VPS13C: variants seen among roughly 807,000 people sequenced by gnomAD.
VPS13C encodes intermembrane lipid transfer protein VPS13C.
VPS13C carries 358 observed loss-of-function variants against 456.8 expected under a neutral mutation model. That is an observed-to-expected ratio of 0.78 (90% confidence interval 0.72 to 0.86). The LOEUF (loss-of-function observed/expected upper bound fraction) is 0.86, where lower values mean the gene tolerates loss of function less well. Ranked by LOEUF, VPS13C falls within the 40% of genes least tolerant of loss-of-function variation. The pLI is 0.00. For synonymous variants in VPS13C, 1,578 were observed against 1,486.7 expected (o/e 1.06, Z -1.41); for missense variants, 4,818 against 4,385.4 (o/e 1.10, Z -2.79).
Position 61,922,710 on chromosome 15 carries a change from G to A in VPS13C, c.6662C>T (p.Pro2221Leu). The change falls in exon 54 of 85, where the codon CCA becomes CTA. Residue 2221 changes from proline to leucine, a missense_variant. By Grantham distance (98) the Pro-to-Leu change is moderately conservative. Coordinates refer to ENST00000644861, the MANE Select transcript of VPS13C (RefSeq NM_020821.3). ...TVLTIMAALS[P>L]KTKEDGSKDT... ...TTTGGATCCATCTTCTTTTGTTTTTGGAGACAATGCAGCCATGATTGTCAA... is the reference window on the plus strand; with the variant it reads ...TTTGGATCCATCTTCTTTTGTTTTTAGAGACAATGCAGCCATGATTGTCAA... 6.2e-7 allele frequency: 1 copy of A among 1,613,402 alleles called. No homozygotes were observed. The highest frequency in any genetic ancestry group is 8.5e-7 in the Non-Finnish European group (1 of 1,179,784).
rs1358521392 is a variant in VPS13C, at chr15:61,881,589, A to G, written c.9750T>C (p.Asn3250=). 6.2e-7 allele frequency: 1 copy of G among 1,612,614 alleles called. No individual in the cohort carries two copies. Among genetic ancestry groups the G allele is most frequent in the African/African-American group, 1.3e-5 (1 of 74,956 alleles). The change falls in exon 71 of 85, where the codon AAT becomes AAC. Residue 3250 remains asparagine (N), a synonymous_variant. Transcript: ENST00000644861. ...FIDVSVITRF[N]EYSKVLQFKY... is the part of the protein sequence containing the mutation. The stretch of plus-strand genomic sequence containing the variant: ...TGAACTGTAAGACTTTACTGTACTC[A>G]TTAAATCTTGTGATGACACTCACAT...
At position 61,897,542 on chromosome 15, in the gene VPS13C, A is replaced by G. The variant is rs1024331899; in HGVS notation, c.9106-7142T>C. Among the ~76,000 whole-genome samples the G allele has an allele frequency of 1.5e-4, 23 of 152,292 alleles. 1 individual carries two copies. The South Asian group carries it at 3.7e-3, about 25-fold the overall frequency. ...ATGAATGATATGAAGCGAGAAAGGAAGTTTAGAGAAAAAAGAGTAAAAAGA... is the reference window on the plus strand; with the variant it reads ...ATGAATGATATGAAGCGAGAAAGGAGGTTTAGAGAAAAAAGAGTAAAAAGA... On this transcript the variant is annotated intron_variant, in intron 66 of 84. Coordinates refer to ENST00000644861, the MANE Select transcript of VPS13C (RefSeq NM_020821.3).
chr15:61,958,653 C>G lies in VPS13C; in HGVS notation c.4120G>C (p.Gly1374Arg). 6.4e-7 allele frequency: 1 copy of G among 1,574,084 alleles called. No individual in the cohort carries two copies. The highest frequency in any genetic ancestry group is 1.2e-5 in the South Asian group (1 of 83,588). The change falls in exon 37 of 85, where the codon GGT becomes CGT. Residue 1374 changes from glycine to arginine, a missense_variant. By Grantham distance (125) the Gly-to-Arg change is moderately radical. Transcript: ENST00000644861. ...FRILTENLCE[G>R]TEDLDKVKPR... ...TTCACTTTATCCAAGTCTTCAGTAC[C>G]CTCACAGAGATTTTCTGTTAGTATC... is the stretch of plus-strand genomic sequence containing the variant.
chr15:62,027,008 G>C (rs34017665), intron 6 of VPS13C, among the ~76,000 whole-genome samples: 8,956 of 151,890 alleles, frequency 0.059, 336 homozygotes, highest in Non-Finnish European at 0.084. Context: ...ATCAAATAAT[G>C]CTTAGTATTA....
At chr15:61,968,980 A>G (rs2045464652) in intron 28 of VPS13C, among the ~76,000 whole-genome samples, 1 of 152,102 alleles carries the variant, frequency 6.6e-6, no homozygotes, top group Non-Finnish European at 1.5e-5. Flanking sequence ...GCAAAAGGTA[A>G]TATTAATTAA....
At chr15:61,920,446 T>A (rs769831055) in intron 56 of VPS13C, 52 bp downstream of exon 56, 4 of 1,489,002 alleles carry the variant, frequency 2.7e-6, no homozygotes, top group Non-Finnish European at 3.6e-6. Context: ...AAAAATTATA[T>A]GTTTCATTTT....
chr15:61,979,921 C>A (rs1056274243), intron 22 of VPS13C, among the ~76,000 whole-genome samples: 1 of 151,948 alleles, frequency 6.6e-6, no homozygotes, highest in Non-Finnish European at 1.5e-5. Flanking sequence ...AGATGGCTCA[C>A]GTCTGTAATC....
At chr15:61,865,260 T>G (rs142585379) in intron 81 of VPS13C, 1 of 983,112 alleles carries the variant, frequency 1.0e-6, no homozygotes, top group East Asian at 1.1e-4. Context: ...AAACAAGATA[T>G]AAAAAAGCAA....
intron 25 of VPS13C, among the ~76,000 whole-genome samples, chr15:61,973,909 A>G (rs1366312464): frequency 1.3e-5 from 2 of 152,108 alleles, no homozygotes; most frequent in African/African-American, 4.8e-5. Context: ...TTCAAAGTAG[A>G]AATCCAACAT....
chr15:61,854,870 C>A lies in VPS13C; in HGVS notation c.11160+1G>T, dbSNP rs904718043. ...TGAGGCATGCTCTTTAAATTGTTTA[C>A]CTCTGCTGTGGCGGTGTCCTTCAGG... On this transcript the variant is annotated splice_donor_variant, in intron 84 of 84. Coordinates refer to ENST00000644861, the MANE Select transcript of VPS13C (RefSeq NM_020821.3). LOFTEE classifies it high-confidence loss of function. The A allele has an allele frequency of 6.2e-7, 1 of 1,603,268 alleles. No individual in the cohort carries two copies. The highest frequency in any genetic ancestry group is 1.1e-5 in the South Asian group (1 of 88,482).
intron 79 of VPS13C, among the ~76,000 whole-genome samples, chr15:61,871,569 CT>C (rs34849197): frequency 0.54 from 81,598 of 151,386 alleles, 22,274 homozygotes; most frequent in Admixed American, 0.62. Flanking sequence ...TTTTTCAAGA[CT>C]TTTTTTTTGG....
intron 13 of VPS13C, among the ~76,000 whole-genome samples, chr15:62,010,262 T>C (rs543530444): frequency 6.1e-4 from 93 of 152,272 alleles, no homozygotes; most frequent in African/African-American, 2.2e-3. Context: ...TTTGATATGA[T>C]TCTCCACACT....
chr15:62,001,613 C>A (rs1357244511), intron 15 of VPS13C, among the ~76,000 whole-genome samples: 1 of 152,140 alleles, frequency 6.6e-6, no homozygotes, highest in Non-Finnish European at 1.5e-5. Context: ...TGGTGCGCTG[C>A]ACCCACTAAC....
intron 81 of VPS13C, chr15:61,866,566 T>G (rs1225881704): frequency 2.0e-6 from 2 of 985,024 alleles, no homozygotes; most frequent in Non-Finnish European, 2.4e-6. Flanking sequence ...TAAGTCAGCA[T>G]CTTGAATTAG....
At chr15:61,882,852 C>T (rs191031953) in intron 68 of VPS13C, 116 bp from the exon 69 acceptor site, 3 of 1,116,610 alleles carry the variant, frequency 2.7e-6, no homozygotes, top group African/African-American at 3.2e-5. Flanking sequence ...GTCTCACCAA[C>T]AGATCTATCT....
In VPS13C at chr15:62,038,735, C is replaced by G. The variant is rs1437006304; in HGVS notation, c.187+2589G>C. Among the ~76,000 whole-genome samples, 30 of 151,966 alleles carry G rather than the reference C, an allele frequency of 2.0e-4. 1 individual carries two copies. The highest frequency in any genetic ancestry group is 2.0e-3 in the Admixed American group (30 of 15,250). On this transcript the variant is annotated intron_variant, in intron 3 of 84. Transcript: ENST00000644861. ...GCAAAGGACAAATATCCAGAATCTA[C>G]AAGGAACTCAAACAACTGAACAAGA...
At chr15:62,031,787 A>G (rs1378907684) in intron 5 of VPS13C, among the ~76,000 whole-genome samples, 3 of 151,952 alleles carry the variant, frequency 2.0e-5, no homozygotes, top group Non-Finnish European at 2.9e-5. Context: ...ACCATTCATA[A>G]TAGCCTCTTT....
Position 61,938,813 on chromosome 15 carries a change from G to A in VPS13C, c.5601+1834C>T, listed in dbSNP as rs561903422. 9.2e-5 allele frequency among the ~76,000 whole-genome samples: 14 copies of A among 152,186 alleles called. No individual in the cohort carries two copies. In the East Asian group the frequency reaches 2.1e-3, roughly 23 times the overall value. Reference sequence around the variant, plus strand: ...AGAAGCCCCGTGTGTACTTCTCTGAGACCCTATTCCCTTCTCCTTTCGCCC... The same window carrying A: ...AGAAGCCCCGTGTGTACTTCTCTGAAACCCTATTCCCTTCTCCTTTCGCCC... On this transcript the variant is annotated intron_variant, in intron 47 of 84. Transcript: ENST00000644861.
At chr15:61,901,132 C>T (rs899600304) in intron 66 of VPS13C, among the ~76,000 whole-genome samples, 3 of 150,956 alleles carry the variant, frequency 2.0e-5, no homozygotes, top group East Asian at 2.0e-4. Context: ...AAGACTTAAA[C>T]GTTAGACCTA....
Sources: allele counts gnomAD v4.1 joint callset (sites outside exome capture counted in the v4.1 genomes callset), GRCh38; gene constraint gnomAD v4.1.1; transcripts MANE v1.5; gene names NCBI Gene and HGNC (gene_info 2026-07-23, HGNC 2026-07-21).